Variants in WDR43 observed in about 807,000 individuals in gnomAD.
WDR43 encodes the protein WD repeat domain 43, also known as WD repeat-containing protein 43.
A neutral mutation model predicts 91.4 loss-of-function variants in WDR43; 13 were observed. The ratio of observed to expected loss-of-function variants is 0.14; its 90% CI spans 0.09 to 0.23. WDR43 has a LOEUF of 0.23. Ranked by LOEUF, WDR43 falls within the 10% of genes least tolerant of loss-of-function variation. WDR43 has a pLI of 1.00. For synonymous variants in WDR43, 331 were observed against 287.9 expected (o/e 1.15, Z -1.51); for missense variants, 780 against 809.4 (o/e 0.96, Z 0.44).
rs187670108 is a variant in WDR43, at chr2:28,913,314, A to C, written c.606+604A>C. 9.2e-5 allele frequency among the ~76,000 whole-genome samples: 14 copies of C among 152,098 alleles called. No individual in the cohort carries two copies. In the East Asian group the frequency reaches 2.3e-3, roughly 25 times the overall value. On this transcript the variant is annotated intron_variant, in intron 4 of 17. Transcript: ENST00000407426. ...ATACACCAACTATGTATCCACAAAA[A>C]AGAAAGTTACCTTTTAAAAAACAAA...
intron 3 of WDR43, 50 bp from the exon 4 acceptor site, chr2:28,912,539 TA>T (rs1193960958): frequency 6.3e-7 from 1 of 1,583,502 alleles, no homozygotes; most frequent in African/African-American, 1.4e-5. Flanking sequence ...CTGCTCTGAG[TA>T]AAGTTTTCTC....
intron 7 of WDR43, among the ~76,000 whole-genome samples, chr2:28,924,279 C>G (rs900997093): frequency 6.6e-6 from 1 of 152,080 alleles, no homozygotes; most frequent in Admixed American, 6.5e-5. Flanking sequence ...GTAATGACCT[C>G]AAGCCACTGA....
intron 1 of WDR43, among the ~76,000 whole-genome samples, chr2:28,901,229 T>A (rs1284318571): frequency 6.6e-6 from 1 of 152,258 alleles, no homozygotes; most frequent in Non-Finnish European, 1.5e-5. Flanking sequence ...TCATAATAAA[T>A]ACTCAGCATT....
chr2:28,935,745 G>C, intron 12 of WDR43, 138 bp downstream of exon 12: 14 of 139,798 alleles, frequency 1.0e-4, no homozygotes, highest in Middle Eastern at 1.8e-3. Context: ...AAGTACTTTA[G>C]ACAAAAAAAA....
intron 3 of WDR43, among the ~76,000 whole-genome samples, chr2:28,908,372 C>T (rs1670725080): frequency 6.6e-6 from 1 of 152,132 alleles, no homozygotes; most frequent in Non-Finnish European, 1.5e-5. Flanking sequence ...TCCCTGATGG[C>T]TCAGTGAGTA....
intron 11 of WDR43, chr2:28,930,065 C>T (rs986040365): frequency 4.2e-6 from 2 of 474,846 alleles, no homozygotes; most frequent in East Asian, 6.8e-5. Flanking sequence ...TAGGAAAATG[C>T]GTTCCTGAGT....
rs182238399 is a variant in WDR43, at chr2:28,928,962, A to G, written c.1306-617A>G. ...AGTGCTGGGATTACAGGTGAGAGCC[A>G]CCACACCCAGACCACAGTTGAGTTT... is the stretch of plus-strand genomic sequence containing the variant. On this transcript the variant is annotated intron_variant, in intron 10 of 17. Transcript: ENST00000407426. Among the ~76,000 whole-genome samples the G allele has an allele frequency of 1.9e-3, 297 of 152,324 alleles. 1 individual carries two copies. Among genetic ancestry groups the G allele is most frequent in the African/African-American group, 6.9e-3 (286 of 41,586 alleles).
chr2:28,914,124 C>T lies in WDR43; in HGVS notation c.662C>T (p.Pro221Leu), dbSNP rs187999090. 1.1e-5 allele frequency: 18 copies of T among 1,613,916 alleles called. 1 individual carries two copies. Among genetic ancestry groups the T allele is most frequent in the Middle Eastern group, 3.3e-4 (2 of 6,062 alleles). ...TCACTGATGTTCACTACCATCAGAC[C>T]TCCTAATGAGAGCCAGCCCTTTGAT... ...VSSLMFTTIRPPNESQPFDGI... is the reference protein window; with the variant it reads ...VSSLMFTTIRLPNESQPFDGI... The change falls in exon 5 of 18, where the codon CCT becomes CTT. Residue 221 changes from proline (P) to leucine (L), a missense_variant. Pro to Leu is a moderately conservative substitution (Grantham distance 98, BLOSUM62 -3). Around this residue, in one of 4 missense-constraint regions of WDR43, gnomAD observed 174 missense variants for 207.3 expected, o/e 0.84. Transcript: ENST00000407426.
intron 6 of WDR43, among the ~76,000 whole-genome samples, chr2:28,919,167 AAG>A (rs1410259913): frequency 1.3e-5 from 2 of 152,134 alleles, no homozygotes; most frequent in Non-Finnish European, 2.9e-5. Flanking sequence ...CTGTGGTGGG[AAG>A]ATTGCCTGAG....
At chr2:28,911,397 C>T (rs970700381) in intron 3 of WDR43, among the ~76,000 whole-genome samples, 1 of 151,590 alleles carries the variant, frequency 6.6e-6, no homozygotes, top group Non-Finnish European at 1.5e-5. Flanking sequence ...AGGTTCACGC[C>T]ATTCTCCTGC....
chr2:28,920,498 G>A (rs1397406831), intron 6 of WDR43, among the ~76,000 whole-genome samples: 1 of 151,824 alleles, frequency 6.6e-6, no homozygotes, highest in Non-Finnish European at 1.5e-5. Flanking sequence ...AAAGTGCTAG[G>A]ATTACAGGCA....
chr2:28,939,421 G>A (rs1671394676), intron 14 of WDR43, among the ~76,000 whole-genome samples: 1 of 152,212 alleles, frequency 6.6e-6, no homozygotes, highest in Non-Finnish European at 1.5e-5. Context: ...CAGAGTAGTT[G>A]TGGTGTAACA....
Position 28,924,967 on chromosome 2 carries a change from C to T in WDR43, c.915-15C>T, listed in dbSNP as rs1334281286. On this transcript the variant is annotated splice_polypyrimidine_tract_variant and intron_variant, in intron 7 of 17. Transcript: ENST00000407426. ...TTTTCAAATTCTTTAATCTCATTTC[C>T]CCCTCCATTTCCAGGTACTGCAAAA... The T allele has an allele frequency of 6.2e-7, 1 of 1,601,090 alleles. No homozygotes were observed. The highest frequency in any genetic ancestry group is 1.3e-5 in the African/African-American group (1 of 74,186).
chr2:28,912,509 G>A, intron 3 of WDR43, 81 bp from the exon 4 acceptor site: 2 of 1,521,918 alleles, frequency 1.3e-6, no homozygotes, highest in Non-Finnish European at 1.8e-6. Context: ...TGATTGTTCA[G>A]TTTGTTTTTT....
intron 3 of WDR43, among the ~76,000 whole-genome samples, chr2:28,911,997 A>G (rs933756699): frequency 6.6e-6 from 1 of 152,216 alleles, no homozygotes; most frequent in Non-Finnish European, 1.5e-5. Flanking sequence ...AGTAACAAAC[A>G]GCAAAGACTC....
intron 2 of WDR43, among the ~76,000 whole-genome samples, chr2:28,902,747 A>G (rs907938775): frequency 2.0e-4 from 30 of 152,218 alleles, no homozygotes; most frequent in African/African-American, 1.2e-4. Context: ...AGCAGTTGCT[A>G]TTGGTAGAAC....
Position 28,936,950 on chromosome 2 carries a change from A to G in WDR43, c.1553A>G (p.Asn518Ser), listed in dbSNP as rs751464709. The change falls in exon 13 of 18, where the codon AAT (asparagine) becomes AGT (serine). Residue 518 changes from asparagine to serine, a missense_variant. Around this residue, in one of 4 missense-constraint regions of WDR43, gnomAD observed 426 missense variants for 467.8 expected, o/e 0.91. Coordinates refer to ENST00000407426, the MANE Select transcript of WDR43 (RefSeq NM_015131.3). ...ELTKRLQGHP[N>S]SAVLMVQWLK... ...ACAAAGAGGTTACAAGGACATCCTA[A>G]TAGGTAAGATTAAACAGGTGACTTA... 31 of 1,572,472 alleles carry G rather than the reference A, an allele frequency of 2.0e-5. No homozygotes were observed. The highest frequency in any genetic ancestry group is 3.7e-5 in the Admixed American group (2 of 53,626).
intron 8 of WDR43, among the ~76,000 whole-genome samples, chr2:28,926,142 T>TA (rs1462778404): frequency 6.6e-6 from 1 of 152,238 alleles, no homozygotes; most frequent in Non-Finnish European, 1.5e-5. Flanking sequence ...GATGAACTGA[T>TA]ACGTTTTCTT....
chr2:28,928,895 G>A (rs1452494779), intron 10 of WDR43, among the ~76,000 whole-genome samples: 2 of 151,936 alleles, frequency 1.3e-5, no homozygotes, highest in Admixed American at 6.6e-5. Flanking sequence ...GGCTGGTCTC[G>A]AACACCTGGG....
Sources: allele counts gnomAD v4.1 joint callset (sites outside exome capture counted in the v4.1 genomes callset), GRCh38; gene constraint gnomAD v4.1.1; regional missense constraint gnomAD v4.1.1; transcripts MANE v1.5; gene names NCBI Gene and HGNC (gene_info 2026-07-23, HGNC 2026-07-21).